Variants in SYTL5 observed in about 807,000 individuals in gnomAD.
SYTL5 encodes synaptotagmin-like protein 5.
A neutral mutation model predicts 55.9 loss-of-function variants in SYTL5; 34 were observed. The observed-to-expected ratio is 0.61, with a 90% CI of 0.46 to 0.81. The LOEUF (loss-of-function observed/expected upper bound fraction) is 0.81. SYTL5 is among the 30% of genes least tolerant of loss of function. The pLI is 0.00. For missense variants in SYTL5, 637 were observed against 546.7 expected, an observed-to-expected ratio of 1.17 and a Z score of -1.65; for synonymous variants, 221 against 188.7, an observed-to-expected ratio of 1.17 and a Z score of -1.40.
At chrX:37,960,589 G>T in the SYTL5 span, among the ~76,000 whole-genome samples, 1 of 110,355 alleles carries the variant, frequency 9.1e-6, no homozygotes, top group South Asian at 3.9e-4. Context: ...CATTAGAGTG[G>T]CTTTTACTGT....
intron 1 of SYTL5, among the ~76,000 whole-genome samples, chrX:38,022,254 C>G (rs923067706): frequency 8.9e-6 from 1 of 112,313 alleles, no homozygotes; most frequent in African/African-American, 3.2e-5. Flanking sequence ...CCAACTGATA[C>G]AGTGTTACTG....
At chrX:37,944,462 C>A in the SYTL5 span, among the ~76,000 whole-genome samples, 3 of 111,464 alleles carry the variant, frequency 2.7e-5, no homozygotes. Flanking sequence ...ATCACTTAAA[C>A]CTCTATAGCA....
At chrX:38,120,723 A>T (rs1157616739) in intron 14 of SYTL5, among the ~76,000 whole-genome samples, 3 of 110,109 alleles carry the variant, frequency 2.7e-5, no homozygotes, top group Non-Finnish European at 5.7e-5. Context: ...TATGTCCCAA[A>T]GATATAGGAT....
At chrX:38,018,193 A>C (rs1320602874) in intron 1 of SYTL5, among the ~76,000 whole-genome samples, 2 of 111,142 alleles carry the variant, frequency 1.8e-5, no homozygotes, top group African/African-American at 6.6e-5. Flanking sequence ...TTTAATATTT[A>C]ACTTCACCAC....
At chrX:37,975,516 C>T in the SYTL5 span, among the ~76,000 whole-genome samples, 1 of 111,409 alleles carries the variant, frequency 9.0e-6, no homozygotes. Flanking sequence ...GCAAAGGGAT[C>T]CTCTAGGGAA....
At chrX:38,097,319 CT>C (rs1936960166) in intron 9 of SYTL5, among the ~76,000 whole-genome samples, 1 of 109,927 alleles carries the variant, frequency 9.1e-6, no homozygotes. Context: ...ACTAAAGGAT[CT>C]ACAAAAATAT....
intron 2 of SYTL5, among the ~76,000 whole-genome samples, chrX:38,049,422 C>G (rs1185074207): frequency 2.7e-5 from 3 of 111,279 alleles, no homozygotes; most frequent in Non-Finnish European, 5.7e-5. Context: ...TGACTGGTGG[C>G]TTTTGTGGTA....
At chrX:37,943,198 G>A in the SYTL5 span, among the ~76,000 whole-genome samples, 1 of 112,293 alleles carries the variant, frequency 8.9e-6, no homozygotes, top group East Asian at 2.8e-4. Context: ...CAATAGGGAG[G>A]CTTACTGCTG....
the SYTL5 span, among the ~76,000 whole-genome samples, chrX:37,903,233 A>G: frequency 6.4e-5 from 7 of 110,002 alleles, no homozygotes; most frequent in Non-Finnish European, 1.1e-4. Context: ...TCATGCTGCT[A>G]TAAAGACACA....
At chrX:37,961,641 T>C in the SYTL5 span, among the ~76,000 whole-genome samples, 2 of 112,119 alleles carry the variant, frequency 1.8e-5, no homozygotes, top group Non-Finnish European at 3.8e-5. Context: ...TATGTCATAA[T>C]GAGAACAATA....
intron 2 of SYTL5, among the ~76,000 whole-genome samples, chrX:38,038,857 G>A (rs891574641): frequency 1.8e-5 from 2 of 111,995 alleles, no homozygotes; most frequent in East Asian, 2.8e-4. Context: ...TTTATTGTTC[G>A]TTTGTGTGTT....
upstream of SYTL5, among the ~76,000 whole-genome samples, chrX:38,006,075 C>T (rs1387751748): frequency 8.9e-6 from 1 of 111,803 alleles, no homozygotes; most frequent in Non-Finnish European, 1.9e-5. Context: ...TTATGGAGTG[C>T]CTGGATTTAA....
At chrX:38,073,437 G>A (rs1936315338) in intron 4 of SYTL5, among the ~76,000 whole-genome samples, 153 bp from the exon 5 acceptor site, 1 of 112,269 alleles carries the variant, frequency 8.9e-6, no homozygotes, top group Admixed American at 9.4e-5. Flanking sequence ...AACTAACTGT[G>A]TGACAGAAAA....
chrX:38,100,392 C>G (rs968963801), intron 9 of SYTL5, among the ~76,000 whole-genome samples: 1 of 111,010 alleles, frequency 9.0e-6, no homozygotes, highest in Non-Finnish European at 1.9e-5. Flanking sequence ...TATTTGAGGA[C>G]CTGCTGCACA....
the SYTL5 span, among the ~76,000 whole-genome samples, chrX:37,899,562 C>T: frequency 9.0e-6 from 1 of 111,683 alleles, no homozygotes; most frequent in African/African-American, 3.3e-5. Context: ...ATGCAAAATG[C>T]CTAATCCTTA....
chrX:38,017,645 A>G (rs1934401801), intron 1 of SYTL5, among the ~76,000 whole-genome samples: 1 of 109,075 alleles, frequency 9.2e-6, no homozygotes, highest in Non-Finnish European at 1.9e-5. Flanking sequence ...TAAGCTGGGA[A>G]AGAAGGAAGT....
At chrX:37,967,823 G>A in the SYTL5 span, among the ~76,000 whole-genome samples, 1 of 108,117 alleles carries the variant, frequency 9.2e-6, no homozygotes, top group African/African-American at 3.4e-5. Context: ...CCTTTGTCAC[G>A]CTCCTGGCTT....
intron 5 of SYTL5, among the ~76,000 whole-genome samples, chrX:38,075,462 G>A (rs1247705273): frequency 1.8e-5 from 2 of 111,423 alleles, no homozygotes; most frequent in Non-Finnish European, 3.8e-5. Flanking sequence ...TGCCAGTTGA[G>A]TATAGGAGTC....
intron 8 of SYTL5, 150 bp from the exon 9 acceptor site, chrX:38,095,984 G>A: frequency 2.8e-6 from 1 of 362,425 alleles, no homozygotes; most frequent in East Asian, 4.2e-5. Flanking sequence ...ACAGCATGAA[G>A]TTACTGACTC....
Sources: gnomAD v4.1 joint callset for allele counts (sites outside exome capture counted in the v4.1 genomes callset) on GRCh38, gnomAD v4.1.1 for gene constraint, MANE v1.5 for transcripts, NCBI Gene and HGNC (gene_info 2026-07-23, HGNC 2026-07-21) for gene names.